ZAN: variants seen among roughly 807,000 people sequenced by gnomAD.
ZAN encodes zonadhesin.
A neutral mutation model predicts 286.2 loss-of-function variants in ZAN; 260 were observed. That is an observed-to-expected ratio of 0.91 (90% CI 0.82 to 1.01). ZAN has a LOEUF of 1.01. Ranked by LOEUF, ZAN falls within the 50% of genes least tolerant of loss-of-function variation. The pLI, the probability that ZAN is intolerant of heterozygous loss-of-function variation, is 0.00. For missense variants in ZAN, 3,410 were observed against 3,639.2 expected (o/e 0.94, Z 1.62); for synonymous variants, 1,368 against 1,417.5 (o/e 0.97, Z 0.79).
At chr7:100,773,689 C>T in intron 30 of ZAN, 32 bp from the exon 31 acceptor site, 1 of 1,596,402 alleles carries the variant, frequency 6.3e-7, no homozygotes, top group Non-Finnish European at 8.5e-7. Flanking sequence ...TTCCAACTTT[C>T]TGTTGGCTCA....
Position 100,797,740 on chromosome 7 carries a change from A to C in ZAN, c.*8A>C. 6.2e-7 allele frequency: 1 copy of C among 1,613,862 alleles called. No homozygotes were observed. Among genetic ancestry groups the C allele is most frequent in the Non-Finnish European group, 8.5e-7 (1 of 1,179,886 alleles). On this transcript the variant is annotated 3_prime_UTR_variant, in exon 48 of 48. Coordinates refer to ENST00000613979, the MANE Select transcript of ZAN (RefSeq NM_003386.3). Reference sequence around the variant, plus strand: ...CTGGACTGTGCCTGTTAAGTTGCTCAGTTTTGAGCTGTCTTCAGACAAGAA... The same window carrying C: ...CTGGACTGTGCCTGTTAAGTTGCTCCGTTTTGAGCTGTCTTCAGACAAGAA...
chr7:100,763,766 G>T lies in ZAN; in HGVS notation c.3987-40G>T. 6.4e-7 allele frequency: 1 copy of T among 1,570,638 alleles called. No homozygotes were observed. Among genetic ancestry groups the T allele is most frequent in the Non-Finnish European group, 8.7e-7 (1 of 1,149,304 alleles). ...GCTGGGTTAGGGATGAGCTGGAAGC[G>T]AGCTTTGTCTTTAGGGAGTTTGGGG... On this transcript the variant is annotated intron_variant, in intron 20 of 47. Transcript: ENST00000613979. This position sits in a 1 kb window ranked among gnomAD's most constrained non-coding sequence, Gnocchi z 4.6.
intron 17 of ZAN, 46 bp from the exon 18 acceptor site, chr7:100,759,675 T>C (rs757254539): frequency 1.4e-5 from 22 of 1,544,036 alleles, no homozygotes; most frequent in Non-Finnish European, 1.8e-5. Context: ...GCGGCAGATG[T>C]TCAGAAATGA....
Position 100,786,070 on chromosome 7 carries a change from A to G in ZAN, c.6908A>G (p.Asp2303Gly). The change falls in exon 37 of 48, where the codon GAC (aspartate) becomes GGC (glycine). Residue 2303 changes from aspartate (D) to glycine (G), a missense_variant. Coordinates refer to ENST00000613979, the MANE Select transcript of ZAN (RefSeq NM_003386.3). ...VCTGGAIQCG[D>G]FRCPSGSHCQ... The stretch of plus-strand genomic sequence containing the variant: ...ACGGGAGGAGCCATTCAGTGCGGGG[A>G]CTTCCGATGCCCCTCTGGGTCCCAC... 1.9e-6 allele frequency: 3 copies of G among 1,613,980 alleles called. No homozygotes were observed. Among genetic ancestry groups the G allele is most frequent in the Non-Finnish European group, 2.5e-6 (3 of 1,179,892 alleles).
At position 100,734,022 on chromosome 7, in the gene ZAN, C is replaced by T. The variant is rs1807127783; in HGVS notation, c.-142-5C>T. ...CTTTCAACTCTCATAATTTTAATTT[C>T]CCAGAGCTTTTCTGTGTTTCTCTGT... On this transcript the variant is annotated splice_polypyrimidine_tract_variant and splice_region_variant and intron_variant, in intron 1 of 47. Coordinates refer to ENST00000613979, the MANE Select transcript of ZAN (RefSeq NM_003386.3). 2.0e-6 allele frequency: 1 copy of T among 507,036 alleles called. No homozygotes were observed. 31.4% of individuals were successfully genotyped at this position (507,036 alleles called of 1,614,324 possible).
intron 7 of ZAN, among the ~76,000 whole-genome samples, chr7:100,740,289 ATTTAT>A (rs1219774080): frequency 2.3e-5 from 3 of 129,178 alleles, no homozygotes; most frequent in Non-Finnish European, 5.0e-5. Flanking sequence ...GATCTGACTT[ATTTAT>A]TTTTTTTTTT....
At position 100,773,343 on chromosome 7, in the gene ZAN, C is replaced by G; in HGVS notation, c.5484C>G (p.Thr1828=). The G allele has an allele frequency of 6.2e-7, 1 of 1,614,006 alleles. No individual in the cohort carries two copies. Among genetic ancestry groups the G allele is most frequent in the Non-Finnish European group, 8.5e-7 (1 of 1,179,902 alleles). The change falls in exon 30 of 48, where the codon ACC becomes ACG. Residue 1828 remains threonine (T), a synonymous_variant. Transcript: ENST00000613979. ...YSPCSSPCPD[T]CSSINNPRDC... ...CCTGCAGCAGCCCCTGCCCAGACAC[C>G]TGCAGCAGCATAAACAACCCGAGGG...
Position 100,762,325 on chromosome 7 carries a change from A to T in ZAN, c.3953A>T (p.Asn1318Ile), listed in dbSNP as rs750769010. The T allele has an allele frequency of 6.2e-7, 1 of 1,613,312 alleles. No individual in the cohort carries two copies. The highest frequency in any genetic ancestry group is 2.2e-5 in the East Asian group (1 of 44,844). Reference sequence around the variant, plus strand: ...GCAGGAGACAAGGAGGAGCTGGGGAACAGCTGGCAGACGGACCAGGACGAG... The same window carrying T: ...GCAGGAGACAAGGAGGAGCTGGGGATCAGCTGGCAGACGGACCAGGACGAG... ...SPAGDKEELG[N>I]SWQTDQDEDQ... Residue 1318 changes from asparagine to isoleucine, a missense_variant, in exon 20 of 48, where the codon AAC (asparagine) becomes ATC (isoleucine). Around this residue, in one of 7 missense-constraint regions of ZAN, gnomAD observed 1,042 missense variants for 1,058.0 expected, o/e 0.98. Coordinates refer to ENST00000613979, the MANE Select transcript of ZAN (RefSeq NM_003386.3).
chr7:100,755,326 C>A lies in ZAN; in HGVS notation c.3225C>A (p.Val1075=). The change falls in exon 15 of 48, where the codon GTC becomes GTA. Residue 1075 remains valine (V), a synonymous_variant. Coordinates refer to ENST00000613979, the MANE Select transcript of ZAN (RefSeq NM_003386.3). The part of the protein sequence containing the change: ...SCGPLCREGC[V]CNPGFLFSDN... Reference sequence around the variant, plus strand: ...GGCCCCTCTGTCGGGAGGGCTGTGTCTGCAACCCTGGCTTTTTGTTTAGTG... The same window carrying A: ...GGCCCCTCTGTCGGGAGGGCTGTGTATGCAACCCTGGCTTTTTGTTTAGTG... 1 of 1,613,912 alleles carries A rather than the reference C, an allele frequency of 6.2e-7. No homozygotes were observed. The highest frequency in any genetic ancestry group is 2.2e-5 in the East Asian group (1 of 44,874).
Position 100,736,515 on chromosome 7 carries a change from G to A in ZAN, c.139G>A (p.Ala47Thr), listed in dbSNP as rs777283469. Reference sequence around the variant, plus strand: ...CACCCAGTGTGATTTTGAGGATGACGCCAAACCCCTCTGTGACTGGTCCCA... The same window carrying A: ...CACCCAGTGTGATTTTGAGGATGACACCAAACCCCTCTGTGACTGGTCCCA... ...VLTQCDFEDD[A>T]KPLCDWSQVS... The change falls in exon 4 of 48, where the codon GCC becomes ACC. Residue 47 changes from alanine (A) to threonine (T), a missense_variant. Coordinates refer to ENST00000613979, the MANE Select transcript of ZAN (RefSeq NM_003386.3). 10 of 1,523,940 alleles carry A rather than the reference G, an allele frequency of 6.6e-6. 3 individuals carry two copies. In the East Asian group the frequency reaches 1.1e-4, roughly 17 times the overall value. 94.4% of individuals were successfully genotyped at this position (1,523,940 alleles called of 1,614,324 possible).
Position 100,774,848 on chromosome 7 carries a change from C to T in ZAN, c.5780-480C>T, listed in dbSNP as rs1041500073. On this transcript the variant is annotated intron_variant, in intron 31 of 47. Transcript: ENST00000613979. ...GTCTCAAATAAAAAAAAAAAAAATC[C>T]TTCCTCCAAAGAATCATGCCCCTCC... Among the ~76,000 whole-genome samples, 7 of 150,908 alleles carry T rather than the reference C, an allele frequency of 4.6e-5. No individual in the cohort carries two copies. In the Admixed American group the frequency reaches 4.7e-4, roughly 10 times the overall value.
At position 100,735,683 on chromosome 7, in the gene ZAN, C is replaced by A. The variant is rs73711152; in HGVS notation, c.54-37C>A. 5,098 of 1,418,208 alleles carry A rather than the reference C, an allele frequency of 3.6e-3. 834 individuals are homozygous for A. In the African/African-American group the frequency reaches 0.062, roughly 17 times the overall value. The allele number at this position is 1,418,208 out of a possible 1,614,324, so 87.9% of individuals were successfully genotyped here. ...AATCTTATAATTCTTGATAATGACA[C>A]GAGTTGCATTTTTGCTTTCTTCAAA... is the stretch of plus-strand genomic sequence containing the variant. On this transcript the variant is annotated intron_variant, in intron 2 of 47. Coordinates refer to ENST00000613979, the MANE Select transcript of ZAN (RefSeq NM_003386.3).
chr7:100,740,012 T>G lies in ZAN; in HGVS notation c.766+1399T>G, dbSNP rs1281865447. Among the ~76,000 whole-genome samples, 17 of 141,354 alleles carry G rather than the reference T, an allele frequency of 1.2e-4. 3 individuals carry two copies. Among genetic ancestry groups the G allele is most frequent in the Admixed American group, 1.2e-3 (17 of 14,220 alleles). The allele number at this position is 141,354 out of a possible 152,430, so 92.7% of individuals were successfully genotyped here. ...GAGTAGGTCACATTCAGGACACATT[T>G]GAGCACGAACTTGAAAAAGGTGAGG... On this transcript the variant is annotated intron_variant, in intron 7 of 47. Transcript: ENST00000613979.
chr7:100,749,139 A>C (rs911748692), intron 11 of ZAN, among the ~76,000 whole-genome samples: 4 of 151,764 alleles, frequency 2.6e-5, no homozygotes, highest in Non-Finnish European at 5.9e-5. Context: ...CAGGAGTTCG[A>C]GACCAGCTGG....
Position 100,784,691 on chromosome 7 carries a change from C to A in ZAN, c.6691C>A (p.Leu2231Met). 1.2e-6 allele frequency: 2 copies of A among 1,613,944 alleles called. No homozygotes were observed. Among genetic ancestry groups the A allele is most frequent in the Non-Finnish European group, 1.7e-6 (2 of 1,179,898 alleles). Residue 2231 changes from leucine (L) to methionine (M), a missense_variant, in exon 36 of 48, where the codon CTG (leucine) becomes ATG (methionine). Transcript: ENST00000613979. ...CTCCTGCTCACCCTCCTGCTGGGAC[C>A]TGGATGGCCGGTGTGAGGGCGCCAA... ...LPSCSPSCWD[L>M]DGRCEGAKVP...
chr7:100,760,588 CTGCTGCCTCTTCT>C (rs1809496181), intron 19 of ZAN, 52 bp downstream of exon 19: 1 of 1,600,614 alleles, frequency 6.2e-7, no homozygotes, highest in African/African-American at 1.3e-5. Flanking sequence ...CTGCCTCTTC[CTGCTGCCTCTTCT>C]TCCTGCTGCC....
At chr7:100,785,882 C>G (rs866837833) in intron 36 of ZAN, 115 bp from the exon 37 acceptor site, 3 of 1,366,554 alleles carry the variant, frequency 2.2e-6, no homozygotes, top group Middle Eastern at 2.6e-4. Flanking sequence ...TCGTCACAAA[C>G]TCCTGACCTC....
At chr7:100,773,914 C>T in intron 31 of ZAN, 49 bp downstream of exon 31, 1 of 1,560,568 alleles carries the variant, frequency 6.4e-7, no homozygotes, top group South Asian at 1.2e-5. Flanking sequence ...GAGGCCCACT[C>T]TCCCAACTCC....
At position 100,787,902 on chromosome 7, in the gene ZAN, C is replaced by T. The variant is rs1201964796; in HGVS notation, c.6993C>T (p.Cys2331=). The part of the protein sequence containing the change: ...SNCVSDKSEQ[C]SVYGDPRYLT... The stretch of plus-strand genomic sequence containing the variant: ...ACTTCTTGGCAGAGTCTGAACAATG[C>T]TCAGTCTATGGCGACCCCCGTTACC... Residue 2331 remains cysteine, a synonymous_variant, in exon 38 of 48, where the codon TGC becomes TGT. Transcript: ENST00000613979. The T allele has an allele frequency of 4.6e-6, 7 of 1,528,962 alleles. No homozygotes were observed. The highest frequency in any genetic ancestry group is 6.2e-6 in the Non-Finnish European group (7 of 1,122,938). 94.7% of individuals were successfully genotyped at this position (1,528,962 alleles called of 1,614,324 possible).
Sources: gnomAD v4.1 joint callset for allele counts (sites outside exome capture counted in the v4.1 genomes callset) on GRCh38, gnomAD v4.1.1 for gene constraint, gnomAD v4.1.1 regional missense constraint, Gnocchi (gnomAD v3.1) non-coding constraint, MANE v1.5 for transcripts, NCBI Gene and HGNC (gene_info 2026-07-23, HGNC 2026-07-21) for gene names.